Variants in CYP7B1 observed in about 807,000 individuals in gnomAD.
CYP7B1 encodes the protein cytochrome P450 7B1.
A neutral mutation model predicts 42.7 loss-of-function variants in CYP7B1; 29 were observed. That is an observed-to-expected ratio of 0.68 (90% confidence interval 0.51 to 0.93). The LOEUF (loss-of-function observed/expected upper bound fraction) is 0.93, where lower values mean the gene tolerates loss of function less well. Among genes scored for constraint, CYP7B1 ranks in the 40% least tolerant of loss-of-function variants. CYP7B1 has a pLI of 0.00. For synonymous variants in CYP7B1, 235 were observed against 218.2 expected (o/e 1.08, Z -0.68); for missense variants, 655 against 600.5 (o/e 1.09, Z -0.95).
intron 1 of CYP7B1, among the ~76,000 whole-genome samples, chr8:64,795,958 G>A (rs772406470): frequency 7.9e-5 from 12 of 152,144 alleles, no homozygotes; most frequent in African/African-American, 1.2e-4. Context: ...GATTTTTACC[G>A]ATTGTTAAAA....
downstream of CYP7B1, among the ~76,000 whole-genome samples, chr8:64,590,616 T>G (rs1406544914): frequency 3.3e-5 from 5 of 152,140 alleles, no homozygotes; most frequent in Non-Finnish European, 7.4e-5. Flanking sequence ...TTTTTTGAGT[T>G]TGTTATTTTA....
intron 2 of CYP7B1, among the ~76,000 whole-genome samples, chr8:64,622,868 G>C (rs1328850853): frequency 6.6e-6 from 1 of 152,164 alleles, no homozygotes; most frequent in African/African-American, 2.4e-5. Context: ...GATACATGGG[G>C]ATCTAAGGGA....
chr8:64,798,369 A>G (rs1804740671), intron 1 of CYP7B1, 97 bp downstream of exon 1: 3 of 1,399,746 alleles, frequency 2.1e-6, no homozygotes, highest in South Asian at 1.6e-5. Context: ...GACTGTCTGC[A>G]CTGGAAATCA....
At chr8:64,762,721 C>T (rs1318646452) in intron 1 of CYP7B1, among the ~76,000 whole-genome samples, 1 of 152,154 alleles carries the variant, frequency 6.6e-6, no homozygotes, top group Non-Finnish European at 1.5e-5. Flanking sequence ...TCAAATCTCT[C>T]CAATCAGCTT....
At chr8:64,614,925 A>T in intron 4 of CYP7B1, 101 bp downstream of exon 4, 2 of 1,076,050 alleles carry the variant, frequency 1.9e-6, no homozygotes, top group Non-Finnish European at 2.9e-6. Context: ...TATGTCAATT[A>T]GGCAGCTGTG....
At chr8:64,767,132 A>G (rs1807984002) in intron 1 of CYP7B1, among the ~76,000 whole-genome samples, 1 of 152,228 alleles carries the variant, frequency 6.6e-6, no homozygotes, top group African/African-American at 2.4e-5. Context: ...TAGGAGAAGG[A>G]AAAAGGGTAA....
intron 1 of CYP7B1, among the ~76,000 whole-genome samples, chr8:64,768,258 CG>C (rs1221604498): frequency 6.6e-5 from 10 of 151,918 alleles, no homozygotes; most frequent in African/African-American, 2.2e-4. Flanking sequence ...GGACAATGAT[CG>C]GGATATAAAC....
chr8:64,746,486 G>A (rs1277230886), intron 1 of CYP7B1, among the ~76,000 whole-genome samples: 2 of 152,126 alleles, frequency 1.3e-5, no homozygotes, highest in South Asian at 4.1e-4. Context: ...CAATGACTGT[G>A]AAGACTCAAG....
At chr8:64,716,209 A>G (rs1807152175) in intron 1 of CYP7B1, among the ~76,000 whole-genome samples, 1 of 152,226 alleles carries the variant, frequency 6.6e-6, no homozygotes, top group Non-Finnish European at 1.5e-5. Flanking sequence ...AGTCCTAAAC[A>G]TGTAAGAACT....
At chr8:64,794,534 A>G (rs149208552) in intron 1 of CYP7B1, among the ~76,000 whole-genome samples, 15 of 152,332 alleles carry the variant, frequency 9.8e-5, no homozygotes, top group African/African-American at 3.4e-4. Context: ...TTCCTGGTTC[A>G]TAAATGGCCA....
chr8:64,687,650 T>G (rs1474999849), intron 1 of CYP7B1, among the ~76,000 whole-genome samples: 1 of 152,160 alleles, frequency 6.6e-6, no homozygotes. Flanking sequence ...ATGTAGCATA[T>G]AACAGGTGCT....
At chr8:64,663,208 T>C (rs952087884) in intron 1 of CYP7B1, among the ~76,000 whole-genome samples, 3 of 152,198 alleles carry the variant, frequency 2.0e-5, no homozygotes, top group African/African-American at 7.2e-5. Context: ...TGTGAGGAGA[T>C]AGCCATCTGA....
At chr8:64,638,216 T>C (rs763869984) in intron 1 of CYP7B1, among the ~76,000 whole-genome samples, 9 of 152,152 alleles carry the variant, frequency 5.9e-5, no homozygotes, top group African/African-American at 1.4e-4. Flanking sequence ...TTTTTCATGA[T>C]GGCGACTTTC....
intron 1 of CYP7B1, among the ~76,000 whole-genome samples, chr8:64,677,150 G>A (rs536448686): frequency 6.6e-6 from 1 of 152,028 alleles, no homozygotes; most frequent in Admixed American, 6.6e-5. Flanking sequence ...AATATTTTGA[G>A]TTACAGGGAA....
chr8:64,729,877 A>C (rs927375770), intron 1 of CYP7B1, among the ~76,000 whole-genome samples: 21 of 152,102 alleles, frequency 1.4e-4, no homozygotes, highest in African/African-American at 4.8e-4. Context: ...CCTTTTTGTC[A>C]CAAATAGTTT....
At chr8:64,790,260 T>A (rs1804595956) in intron 1 of CYP7B1, among the ~76,000 whole-genome samples, 1 of 152,184 alleles carries the variant, frequency 6.6e-6, no homozygotes. Context: ...TACCCCACAT[T>A]CAGGATCAGT....
intron 1 of CYP7B1, among the ~76,000 whole-genome samples, chr8:64,735,905 C>G (rs1198255396): frequency 1.3e-5 from 2 of 152,034 alleles, no homozygotes; most frequent in Non-Finnish European, 1.5e-5. Context: ...CCCTACAATA[C>G]TAATATAAGT....
intron 1 of CYP7B1, among the ~76,000 whole-genome samples, chr8:64,669,461 G>A (rs1338257358): frequency 6.6e-6 from 1 of 152,056 alleles, no homozygotes; most frequent in Non-Finnish European, 1.5e-5. Context: ...AGGAAAAAGG[G>A]TGCAAAATAA....
At chr8:64,621,337 T>C in intron 2 of CYP7B1, among the ~76,000 whole-genome samples, 1 of 152,204 alleles carries the variant, frequency 6.6e-6, no homozygotes, top group African/African-American at 2.4e-5. Context: ...TAAATGCTCC[T>C]ACAGAAGTGA....
Sources: allele counts gnomAD v4.1 joint callset (sites outside exome capture counted in the v4.1 genomes callset), GRCh38; gene constraint gnomAD v4.1.1; transcripts MANE v1.5; gene names NCBI Gene and HGNC (gene_info 2026-07-23, HGNC 2026-07-21).